PDS5B: variants seen among roughly 807,000 people sequenced by gnomAD.
PDS5B encodes the protein sister chromatid cohesion protein PDS5 homolog B.
A neutral mutation model predicts 184.1 loss-of-function variants in PDS5B; 51 were observed. The observed-to-expected ratio is 0.28, with a 90% CI of 0.22 to 0.35. The LOEUF (loss-of-function observed/expected upper bound fraction) is 0.35, where lower values mean the gene tolerates loss of function less well. Among genes scored for constraint, PDS5B ranks in the 10% least tolerant of loss-of-function variants. The probability of loss-of-function intolerance (pLI) is 1.00; values close to 1 mark genes in which losing one functional copy is unlikely to be tolerated. For missense variants in PDS5B, 1,180 were observed against 1,723.3 expected, an observed-to-expected ratio of 0.68 and a Z score of 5.58; for synonymous variants, 566 against 569.2, an observed-to-expected ratio of 0.99 and a Z score of 0.08.
intron 21 of PDS5B, among the ~76,000 whole-genome samples, chr13:32,736,681 A>T (rs534125481): frequency 1.3e-5 from 2 of 152,096 alleles, no homozygotes; most frequent in African/African-American, 4.8e-5. Context: ...TTTAGGCATT[A>T]TCTTTACATA....
chr13:32,712,883 C>T (rs1378084262), intron 19 of PDS5B, among the ~76,000 whole-genome samples: 1 of 151,962 alleles, frequency 6.6e-6, no homozygotes, highest in African/African-American at 2.4e-5. Context: ...ATCTTTTTAC[C>T]AACTTTACGG....
At chr13:32,650,717 T>C (rs1950347118) in intron 2 of PDS5B, 1 of 152,236 alleles carries the variant, frequency 6.6e-6, no homozygotes, top group Admixed American at 6.5e-5. Flanking sequence ...AGTCTACTGT[T>C]GGTTCTGGTA....
intron 1 of PDS5B, among the ~76,000 whole-genome samples, chr13:32,611,523 T>G (rs1411366064): frequency 7.9e-6 from 1 of 126,634 alleles, no homozygotes; most frequent in South Asian, 2.3e-4. Flanking sequence ...TTTTTTTTTT[T>G]TGGAGACCAG....
chr13:32,642,531 C>T (rs1467044247), intron 1 of PDS5B, among the ~76,000 whole-genome samples: 1 of 152,132 alleles, frequency 6.6e-6, no homozygotes, highest in Non-Finnish European at 1.5e-5. Context: ...GCTTAGTAGA[C>T]AAGGGCCAGT....
At chr13:32,676,966 G>T (rs916663121) in intron 9 of PDS5B, among the ~76,000 whole-genome samples, 3 of 147,398 alleles carry the variant, frequency 2.0e-5, no homozygotes, top group African/African-American at 5.1e-5. Flanking sequence ...AGATTTAAAG[G>T]CCCTGATTTT....
chr13:32,611,966 T>C lies in PDS5B; in HGVS notation c.-20+25373T>C, dbSNP rs1173804176. Among the ~76,000 whole-genome samples, 5 of 152,344 alleles carry C rather than the reference T, an allele frequency of 3.3e-5. No homozygotes were observed. In the East Asian group the frequency reaches 9.6e-4, roughly 29 times the overall value. ...TCTGAGTTCTGGCTATATGAAACTATTGAATACTCTCATATTCAGTACTTT... is the reference window on the plus strand; with the variant it reads ...TCTGAGTTCTGGCTATATGAAACTACTGAATACTCTCATATTCAGTACTTT... On this transcript the variant is annotated intron_variant, in intron 1 of 34. Coordinates refer to ENST00000315596, the MANE Select transcript of PDS5B (RefSeq NM_015032.4).
chr13:32,679,870 C>A (rs1467641811), intron 10 of PDS5B, among the ~76,000 whole-genome samples: 1 of 131,892 alleles, frequency 7.6e-6, no homozygotes. Context: ...TCCCTCCTTT[C>A]CTCTTCGTCT....
At chr13:32,707,116 G>A in intron 18 of PDS5B, 77 bp downstream of exon 18, 1 of 760,492 alleles carries the variant, frequency 1.3e-6, no homozygotes, top group Non-Finnish European at 2.0e-6. Context: ...TGTTCTTGAT[G>A]TTTTCTTCTT....
Position 32,652,073 on chromosome 13 carries a change from G to A in PDS5B, c.312+66G>A, listed in dbSNP as rs747826296. 25 of 1,069,952 alleles carry A rather than the reference G, an allele frequency of 2.3e-5. No individual in the cohort carries two copies. In the Admixed American group the frequency reaches 3.9e-4, roughly 17 times the overall value. The allele number at this position is 1,069,952 out of a possible 1,614,324, so 66.3% of individuals were successfully genotyped here. A position where few individuals can be genotyped will look rare whatever the true frequency, so the allele number is the denominator to read the frequency against. The stretch of plus-strand genomic sequence containing the variant: ...TTGATTTATCTTTCTAACTAAAATG[G>A]GAGTTAAGGTATTTAGATGATTTCC... On this transcript the variant is annotated intron_variant, in intron 3 of 34. Transcript: ENST00000315596.
intron 1 of PDS5B, among the ~76,000 whole-genome samples, chr13:32,629,393 T>C (rs2058421556): frequency 1.3e-5 from 2 of 152,178 alleles, no homozygotes; most frequent in Non-Finnish European, 2.9e-5. Flanking sequence ...GGATACCTTG[T>C]GTTGGCTACA....
intron 23 of PDS5B, among the ~76,000 whole-genome samples, chr13:32,742,948 C>G (rs1953611333): frequency 6.7e-6 from 1 of 150,340 alleles, no homozygotes; most frequent in African/African-American, 2.5e-5. Flanking sequence ...ATATTTTAAA[C>G]AATAGATTCT....
chr13:32,731,993 T>C, intron 19 of PDS5B, 108 bp from the exon 20 acceptor site: 1 of 907,568 alleles, frequency 1.1e-6, no homozygotes, highest in Admixed American at 3.1e-5. Flanking sequence ...CTTGGTGACT[T>C]TTTCTGACCT....
At chr13:32,649,101 G>A (rs2140655670) in intron 2 of PDS5B, 1 of 439,482 alleles carries the variant, frequency 2.3e-6, no homozygotes, top group East Asian at 4.4e-5. Flanking sequence ...GATTTTCTAG[G>A]ATCTCCTATA....
At chr13:32,728,139 T>C (rs1012716867) in intron 19 of PDS5B, among the ~76,000 whole-genome samples, 28 of 151,746 alleles carry the variant, frequency 1.8e-4, no homozygotes, top group Non-Finnish European at 3.2e-4. Context: ...TTTGTGTTCT[T>C]TTTTTATATT....
chr13:32,615,675 AATT>A (rs1367874778), intron 1 of PDS5B, among the ~76,000 whole-genome samples: 1 of 152,128 alleles, frequency 6.6e-6, no homozygotes, highest in Non-Finnish European at 1.5e-5. Context: ...TTACATCTGG[AATT>A]AAATTCCAGC....
At chr13:32,672,038 C>G (rs1380352086) in intron 7 of PDS5B, among the ~76,000 whole-genome samples, 1 of 152,030 alleles carries the variant, frequency 6.6e-6, no homozygotes, top group Non-Finnish European at 1.5e-5. Flanking sequence ...TTAGAGCTAG[C>G]TATATGGTAG....
In PDS5B at chr13:32,753,475, A is replaced by G. The variant is rs1171438186; in HGVS notation, c.2880A>G (p.Gln960=). The G allele has an allele frequency of 6.8e-6, 11 of 1,613,802 alleles. No individual in the cohort carries two copies. The highest frequency in any genetic ancestry group is 2.7e-5 in the African/African-American group (2 of 74,912). The change falls in exon 25 of 35, where the codon CAA becomes CAG. Residue 960 remains glutamine (Q), a synonymous_variant. Coordinates refer to ENST00000315596, the MANE Select transcript of PDS5B (RefSeq NM_015032.4). ...PVKERRAHAR[Q]CLVKNINVRR... ...AGGAGAGAAGAGCTCATGCTAGGCA[A>G]TGTTTGGTGAAAAATATAAATGTAA...
In PDS5B at chr13:32,606,961, C is replaced by T. The variant is rs138531714; in HGVS notation, c.-20+20368C>T. 1.7e-4 allele frequency among the ~76,000 whole-genome samples: 26 copies of T among 152,270 alleles called. 1 individual carries two copies. The South Asian group carries it at 2.9e-3, about 17-fold the overall frequency. ...ACACTGTTCATTCTAGTTAGCCATTCGTCTAATCTTTTTTCAAGGTTTTTA... is the reference window on the plus strand; with the variant it reads ...ACACTGTTCATTCTAGTTAGCCATTTGTCTAATCTTTTTTCAAGGTTTTTA... On this transcript the variant is annotated intron_variant, in intron 1 of 34. Coordinates refer to ENST00000315596, the MANE Select transcript of PDS5B (RefSeq NM_015032.4).
intron 1 of PDS5B, among the ~76,000 whole-genome samples, chr13:32,612,409 A>G (rs2058157940): frequency 6.6e-6 from 1 of 152,166 alleles, no homozygotes; most frequent in African/African-American, 2.4e-5. Context: ...GGTATAATTT[A>G]CATATCGTAT....
Sources: allele counts gnomAD v4.1 joint callset (sites outside exome capture counted in the v4.1 genomes callset), GRCh38; gene constraint gnomAD v4.1.1; transcripts MANE v1.5; gene names NCBI Gene and HGNC (gene_info 2026-07-23, HGNC 2026-07-21).